The following NCAM1 variants were observed in gnomAD, a reference collection of about 807,000 sequenced individuals.
NCAM1 encodes neural cell adhesion molecule 1, also known as antigen recognized by monoclonal antibody 5.1H11.
In NCAM1, 14 loss-of-function variants were observed where a neutral mutation model predicts 109.8. That is an observed-to-expected ratio of 0.13 (90% CI 0.08 to 0.20). The LOEUF is 0.20. Among genes scored for constraint, NCAM1 ranks in the 10% least tolerant of loss-of-function variants. NCAM1 has a pLI of 1.00. For missense variants in NCAM1, 774 were observed against 1,109.9 expected (o/e 0.70, Z 4.30); for synonymous variants, 418 against 442.9 (o/e 0.94, Z 0.70).
chr11:113,235,732 C>T (rs782588172), intron 14 of NCAM1, among the ~76,000 whole-genome samples: 11 of 152,214 alleles, frequency 7.2e-5, no homozygotes, highest in South Asian at 4.1e-4. Flanking sequence ...ATAGCAAGAG[C>T]ATTCCTCACG....
chr11:113,247,526 C>T (rs1945535322), intron 15 of NCAM1, among the ~76,000 whole-genome samples: 1 of 152,140 alleles, frequency 6.6e-6, no homozygotes, highest in Admixed American at 6.5e-5. Context: ...GTGTACCTTC[C>T]CTCTCGTTCA....
At chr11:113,030,933 C>T (rs1952692879) in intron 1 of NCAM1, among the ~76,000 whole-genome samples, 1 of 152,182 alleles carries the variant, frequency 6.6e-6, no homozygotes, top group South Asian at 2.1e-4. Flanking sequence ...TTTTAACATA[C>T]ATCATCTCCT....
At position 113,277,840 on chromosome 11, in the gene NCAM1, T is replaced by G. The variant is rs1223747835; in HGVS notation, c.*2453T>G. On this transcript the variant is annotated 3_prime_UTR_variant, in exon 20 of 20. Coordinates refer to ENST00000316851, the MANE Select transcript of NCAM1 (RefSeq NM_181351.5). ...ATAGGTTTGTCTCAGCATGCAAGAG[T>G]TTTTCCTTTAAAAAAAAAAAAAAAA... The G allele has an allele frequency of 7.6e-6, 1 of 131,826 alleles. No homozygotes were observed. Among genetic ancestry groups the G allele is most frequent in the African/African-American group, 3.3e-5 (1 of 30,652 alleles). 8.2% of individuals were successfully genotyped at this position (131,826 alleles called of 1,614,324 possible).
intron 1 of NCAM1, among the ~76,000 whole-genome samples, chr11:113,101,261 G>A (rs1939862361): frequency 1.3e-5 from 2 of 152,022 alleles, no homozygotes; most frequent in Admixed American, 1.3e-4. Context: ...CACTATTGTG[G>A]CAGTGCCAGG....
chr11:113,224,041 T>C (rs59742405), intron 9 of NCAM1, among the ~76,000 whole-genome samples: 6,368 of 152,242 alleles, frequency 0.042, 458 homozygotes, highest in African/African-American at 0.15. Flanking sequence ...CATTTCCAAC[T>C]GAGGTACCGG....
chr11:113,161,595 C>A (rs1218494751), intron 1 of NCAM1, among the ~76,000 whole-genome samples: 4 of 152,162 alleles, frequency 2.6e-5, no homozygotes, highest in Admixed American at 2.6e-4. Flanking sequence ...ACATTTAGTG[C>A]TTTTATCATA....
Position 113,264,495 on chromosome 11 carries a change from G to A in NCAM1, c.2131+4172G>A, listed in dbSNP as rs553862511. 4.5e-4 allele frequency: 443 copies of A among 985,714 alleles called. 2 individuals carry two copies. In the African/African-American group the frequency reaches 7.3e-3, roughly 16 times the overall value. The allele number at this position is 985,714 out of a possible 1,614,324, so 61.1% of individuals were successfully genotyped here. A position where few individuals can be genotyped will look rare whatever the true frequency, so the allele number is the denominator to read the frequency against. ...GTCCCAGATGGCGCTTCACACCAGG[G>A]CAGTGGAGGCAGGCATGGTTTTTGG... On this transcript the variant is annotated intron_variant, in intron 17 of 19. Coordinates refer to ENST00000316851, the MANE Select transcript of NCAM1 (RefSeq NM_181351.5).
chr11:112,988,200 C>T (rs773139962), intron 1 of NCAM1, among the ~76,000 whole-genome samples: 38 of 152,236 alleles, frequency 2.5e-4, no homozygotes, highest in Non-Finnish European at 3.8e-4. Context: ...CCTTATTTTA[C>T]GTTTTTGTGT....
chr11:113,246,721 T>G (rs1480953574), intron 15 of NCAM1, among the ~76,000 whole-genome samples: 5 of 152,272 alleles, frequency 3.3e-5, no homozygotes, highest in Admixed American at 6.5e-5. Context: ...GATAGCATTG[T>G]TATTTAACTT....
rs1211152029 is a variant in NCAM1 at position 113,274,451 on chromosome 11, C to T, written c.2457-816C>T. Among the ~76,000 whole-genome samples, 1 of 152,292 alleles carries T rather than the reference C, an allele frequency of 6.6e-6. No individual in the cohort carries two copies. Among genetic ancestry groups the T allele is most frequent in the Admixed American group, 6.5e-5 (1 of 15,306 alleles). On this transcript the variant is annotated intron_variant, in intron 19 of 19. Coordinates refer to ENST00000316851, the MANE Select transcript of NCAM1 (RefSeq NM_181351.5). This position sits in a 1 kb window ranked among gnomAD's most constrained non-coding sequence, Gnocchi z 4.1. Reference sequence around the variant, plus strand: ...TGCCTGTCCCCATGCATCCTCAGACCCGACTCCCTTTCCTGGAACTGATGG... The same window carrying T: ...TGCCTGTCCCCATGCATCCTCAGACTCGACTCCCTTTCCTGGAACTGATGG...
chr11:113,046,753 GATGA>G (rs1235563251), intron 1 of NCAM1, among the ~76,000 whole-genome samples: 1 of 151,144 alleles, frequency 6.6e-6, no homozygotes, highest in African/African-American at 2.4e-5. Flanking sequence ...AAGATAAATG[GATGA>G]AAGAAAGATG....
At chr11:112,961,696 G>A (rs1321250560) in intron 1 of NCAM1, 32 bp downstream of exon 1, 2 of 1,364,142 alleles carry the variant, frequency 1.5e-6, no homozygotes, top group African/African-American at 1.5e-5. Context: ...TTCTCAATCT[G>A]GTTTGCTAAT....
intron 1 of NCAM1, among the ~76,000 whole-genome samples, chr11:113,020,584 G>GACAACTTAGTTTGCTATCTCAGAGC (rs1565386700): frequency 6.6e-6 from 1 of 152,038 alleles, no homozygotes; most frequent in African/African-American, 2.4e-5. Context: ...GGAGAGAGTG[G>GACAACTTAGTTTGCTATCTCAGAGC]ACAACTTAGT....
intron 1 of NCAM1, among the ~76,000 whole-genome samples, chr11:113,132,604 A>G (rs114278544): frequency 4.3e-4 from 56 of 130,404 alleles, no homozygotes; most frequent in African/African-American, 1.4e-3. Flanking sequence ...ATTAGGAAGC[A>G]TGTGTGTGTG....
intron 1 of NCAM1, among the ~76,000 whole-genome samples, chr11:113,134,154 G>A (rs1471639965): frequency 1.3e-5 from 2 of 151,990 alleles, no homozygotes; most frequent in African/African-American, 4.8e-5. Context: ...TTCCACCTCA[G>A]GCCCTGGCAA....
chr11:113,067,193 T>G (rs1432103386), intron 1 of NCAM1, among the ~76,000 whole-genome samples: 2 of 152,140 alleles, frequency 1.3e-5, no homozygotes, highest in African/African-American at 4.8e-5. Flanking sequence ...AAAGGGAATT[T>G]CAATAAATAG....
In NCAM1 at chr11:113,235,028, A is replaced by G. The variant is rs1462632766; in HGVS notation, c.1694-5A>G. The G allele has an allele frequency of 1.9e-6, 3 of 1,549,912 alleles. No homozygotes were observed. The highest frequency in any genetic ancestry group is 1.7e-6 in the Non-Finnish European group (2 of 1,145,006). On this transcript the variant is annotated splice_region_variant and splice_polypyrimidine_tract_variant and intron_variant, in intron 13 of 19. Coordinates refer to ENST00000316851, the MANE Select transcript of NCAM1 (RefSeq NM_181351.5). ...TCTTTTGTCATCCTTCCCATATTAT[A>G]ACAGCCAGCATGGAGGGCATCGTCA...
intron 1 of NCAM1, among the ~76,000 whole-genome samples, chr11:113,123,659 T>C (rs377374030): frequency 2.0e-5 from 3 of 152,202 alleles, no homozygotes; most frequent in Non-Finnish European, 2.9e-5. Context: ...TTCATGGTAC[T>C]CAAGGGAGGT....
rs1952174490 is a variant in NCAM1 at position 113,015,090 on chromosome 11, T to C, written c.52+53426T>C. Among the ~76,000 whole-genome samples, 3 of 152,250 alleles carry C rather than the reference T, an allele frequency of 2.0e-5. No individual in the cohort carries two copies. In the South Asian group the frequency reaches 6.2e-4, roughly 32 times the overall value. ...TGCTCTCCATGCATCTCTGGCTCATTGCAGTCCCTCTAAACCATTTACTCC... is the reference window on the plus strand; with the variant it reads ...TGCTCTCCATGCATCTCTGGCTCATCGCAGTCCCTCTAAACCATTTACTCC... On this transcript the variant is annotated intron_variant, in intron 1 of 19. Transcript: ENST00000316851.
Sources: allele counts gnomAD v4.1 joint callset (sites outside exome capture counted in the v4.1 genomes callset), GRCh38; gene constraint gnomAD v4.1.1; non-coding constraint Gnocchi (gnomAD v3.1); transcripts MANE v1.5; gene names NCBI Gene and HGNC (gene_info 2026-07-23, HGNC 2026-07-21).